PTPRZ1: variants seen among roughly 807,000 people sequenced by gnomAD.
PTPRZ1 encodes the protein receptor-type tyrosine-protein phosphatase zeta.
In PTPRZ1, 82 loss-of-function variants were observed where a neutral mutation model predicts 214.1. The observed-to-expected ratio is 0.38, with a 90% confidence interval of 0.32 to 0.46. PTPRZ1 has a LOEUF of 0.46. Among genes scored for constraint, PTPRZ1 ranks in the 20% least tolerant of loss-of-function variants. The probability of loss-of-function intolerance (pLI) is 1.00; values close to 1 mark genes in which losing one functional copy is unlikely to be tolerated. For missense variants in PTPRZ1, 2,603 were observed against 2,748.7 expected (o/e 0.95, Z 1.19); for synonymous variants, 945 against 987.9 (o/e 0.96, Z 0.81).
chr7:121,965,656 A>G (rs1434096201), intron 2 of PTPRZ1, among the ~76,000 whole-genome samples: 2 of 152,198 alleles, frequency 1.3e-5, no homozygotes, highest in Non-Finnish European at 2.9e-5. Flanking sequence ...CTCTCTCTTC[A>G]TATTCATAAG....
intron 10 of PTPRZ1, among the ~76,000 whole-genome samples, chr7:122,003,583 T>A (rs899470626): frequency 1.3e-5 from 2 of 152,282 alleles, no homozygotes; most frequent in Middle Eastern, 3.4e-3. Context: ...TGCATTTCCT[T>A]TGAGGACATA....
At chr7:122,009,526 C>T (rs188651145) in intron 11 of PTPRZ1, among the ~76,000 whole-genome samples, 18 of 150,308 alleles carry the variant, frequency 1.2e-4, no homozygotes, top group African/African-American at 3.9e-4. Flanking sequence ...ATATAATATA[C>T]CCAGTTTTAT....
chr7:121,879,917 ACTTT>A (rs1244429588), intron 1 of PTPRZ1, among the ~76,000 whole-genome samples: 2 of 148,856 alleles, frequency 1.3e-5, no homozygotes, highest in Admixed American at 6.8e-5. Context: ...CTTCAGCTTC[ACTTT>A]CTTTTAGCAT....
intron 3 of PTPRZ1, among the ~76,000 whole-genome samples, chr7:121,970,057 T>C (rs1239438068): frequency 6.7e-6 from 1 of 150,274 alleles, no homozygotes; most frequent in Non-Finnish European, 1.5e-5. Context: ...CGGTGTTTGG[T>C]TTTTTGTCCT....
chr7:121,886,113 A>C (rs901848120), intron 1 of PTPRZ1, among the ~76,000 whole-genome samples: 1 of 152,152 alleles, frequency 6.6e-6, no homozygotes, highest in African/African-American at 2.4e-5. Context: ...TGATTGCGCT[A>C]CTGGGGAAAA....
chr7:121,893,454 T>C (rs1484729779), intron 1 of PTPRZ1, among the ~76,000 whole-genome samples: 1 of 152,216 alleles, frequency 6.6e-6, no homozygotes, highest in African/African-American at 2.4e-5. Context: ...TAGTTCACAA[T>C]CCTGTCAGTA....
At chr7:122,017,529 G>A (rs1287901495) in intron 12 of PTPRZ1, among the ~76,000 whole-genome samples, 4 of 124,590 alleles carry the variant, frequency 3.2e-5, no homozygotes, top group Admixed American at 1.6e-4. Context: ...ATATTCCTGT[G>A]ATACATTACA....
At chr7:121,911,057 T>G (rs1795259210) in intron 1 of PTPRZ1, among the ~76,000 whole-genome samples, 1 of 152,146 alleles carries the variant, frequency 6.6e-6, no homozygotes, top group African/African-American at 2.4e-5. Context: ...AGAGTTTTCC[T>G]ACAAGTTTTA....
In PTPRZ1 at chr7:122,052,024, A is replaced by G; in HGVS notation, c.6252+85A>G. 3.9e-6 allele frequency: 4 copies of G among 1,032,192 alleles called. No homozygotes were observed. In the South Asian group the frequency reaches 6.7e-5, roughly 17 times the overall value. 63.9% of individuals were successfully genotyped at this position (1,032,192 alleles called of 1,614,324 possible). A position where few individuals can be genotyped will look rare whatever the true frequency, so the allele number is the denominator to read the frequency against. ...ATGGGCTGCCAGAAGCAAAGACTAC[A>G]GGCATGGGCAAATGAGTGGTAAATT... On this transcript the variant is annotated intron_variant, in intron 25 of 29. Transcript: ENST00000393386.
chr7:121,906,270 G>A (rs988927523), intron 1 of PTPRZ1, among the ~76,000 whole-genome samples: 2 of 152,092 alleles, frequency 1.3e-5, no homozygotes, highest in Non-Finnish European at 2.9e-5. Context: ...AATATTTCCT[G>A]CCTTATGAAC....
chr7:122,019,099 TTC>T, intron 12 of PTPRZ1, 23 bp from the exon 13 acceptor site: 1 of 1,574,804 alleles, frequency 6.3e-7, no homozygotes, highest in Non-Finnish European at 8.7e-7. Context: ...TAAATATCAA[TTC>T]TCTCAATTTT....
At chr7:121,887,247 T>C (rs1217072258) in intron 1 of PTPRZ1, among the ~76,000 whole-genome samples, 19 of 152,124 alleles carry the variant, frequency 1.2e-4, no homozygotes, top group Admixed American at 1.2e-3. Context: ...CAGTAAATAT[T>C]TGTGGCATAA....
chr7:122,054,897 AT>A, intron 26 of PTPRZ1, 43 bp from the exon 27 acceptor site: 1 of 1,514,986 alleles, frequency 6.6e-7, no homozygotes, highest in Non-Finnish European at 8.8e-7. Context: ...CTTATTGGTC[AT>A]TTTATTAAAA....
intron 1 of PTPRZ1, among the ~76,000 whole-genome samples, chr7:121,912,326 C>T (rs1249473846): frequency 7.9e-5 from 12 of 152,138 alleles, no homozygotes; most frequent in African/African-American, 2.2e-4. Flanking sequence ...AAGTTGATAA[C>T]GTGTTTAGCA....
rs567169776 is a variant in PTPRZ1, at chr7:121,980,960, G to A, written c.620-2705G>A. On this transcript the variant is annotated intron_variant, in intron 6 of 29. Coordinates refer to ENST00000393386, the MANE Select transcript of PTPRZ1 (RefSeq NM_002851.3). ...GATCGAGACCATCTTGGCTAACACG[G>A]TGAAACCCCGTCTCTACTAAAAACA... is the stretch of plus-strand genomic sequence containing the variant. 2.9e-4 allele frequency among the ~76,000 whole-genome samples: 44 copies of A among 152,190 alleles called. No individual in the cohort carries two copies. The South Asian group carries it at 9.1e-3, about 32-fold the overall frequency.
chr7:121,953,924 G>A (rs1796632882), intron 2 of PTPRZ1, among the ~76,000 whole-genome samples: 1 of 152,140 alleles, frequency 6.6e-6, no homozygotes, highest in Non-Finnish European at 1.5e-5. Flanking sequence ...TGATGCTGTG[G>A]CTTTTGGCTG....
chr7:122,052,005 T>A, intron 25 of PTPRZ1, 66 bp downstream of exon 25: 1 of 1,344,748 alleles, frequency 7.4e-7, no homozygotes, highest in Middle Eastern at 1.8e-4. Context: ...CAGAATGGGC[T>A]GCCAGAAGCA....
Position 122,010,815 on chromosome 7 carries a change from G to C in PTPRZ1, c.1769G>C (p.Ser590Thr), listed in dbSNP as rs1562859857. ...DTGAEDSSGS[S>T]PATSAIPFIS... ...GGAGCTGAAGATTCTTCAGGCTCCA[G>C]TCCCGCAACTTCTGCTATCCCATTC... The change falls in exon 12 of 30, where the codon AGT (serine) becomes ACT (threonine). Residue 590 changes from serine (S) to threonine (T), a missense_variant. By Grantham distance (58) the Ser-to-Thr change is moderately conservative. This residue lies in a region of PTPRZ1 where 1,913 missense variants were observed against 1,914.3 expected (regional missense o/e 1.00). Coordinates refer to ENST00000393386, the MANE Select transcript of PTPRZ1 (RefSeq NM_002851.3). 1 of 1,614,080 alleles carries C rather than the reference G, an allele frequency of 6.2e-7. No homozygotes were observed. Among genetic ancestry groups the C allele is most frequent in the East Asian group, 2.2e-5 (1 of 44,878 alleles).
chr7:121,963,343 CT>C (rs760246333), intron 2 of PTPRZ1, among the ~76,000 whole-genome samples: 1 of 152,248 alleles, frequency 6.6e-6, no homozygotes, highest in South Asian at 2.1e-4. Flanking sequence ...GGGAGACACC[CT>C]TTTAGGGAGT....
Sources: gnomAD v4.1 joint callset for allele counts (sites outside exome capture counted in the v4.1 genomes callset) on GRCh38, gnomAD v4.1.1 for gene constraint, gnomAD v4.1.1 regional missense constraint, MANE v1.5 for transcripts, NCBI Gene and HGNC (gene_info 2026-07-23, HGNC 2026-07-21) for gene names.